The following AGMO variants were observed in gnomAD, a reference collection of about 807,000 sequenced individuals.
AGMO encodes alkylglycerol monooxygenase, also known as glyceryl-ether monooxygenase.
AGMO carries 75 observed loss-of-function variants against 60.2 expected under a neutral mutation model. The observed-to-expected ratio is 1.25, with a 90% CI of 1.03 to 1.51. The LOEUF is 1.51. Ranked by LOEUF, AGMO falls within the 40% of genes most tolerant of loss-of-function variation. AGMO has a pLI of 0.00. For synonymous variants in AGMO, 261 were observed against 177.1 expected, an observed-to-expected ratio of 1.47 and a Z score of -3.76; for missense variants, 763 against 525.5, an observed-to-expected ratio of 1.45 and a Z score of -4.42.
At chr7:15,218,847 T>C (rs1040421249) in intron 12 of AGMO, among the ~76,000 whole-genome samples, 4 of 152,118 alleles carry the variant, frequency 2.6e-5, no homozygotes, top group Non-Finnish European at 5.9e-5. Flanking sequence ...TGACTCTTTT[T>C]CAACATATTT....
intron 10 of AGMO, among the ~76,000 whole-genome samples, chr7:15,385,095 T>C (rs540283193): frequency 1.3e-3 from 197 of 152,314 alleles, no homozygotes; most frequent in African/African-American, 4.4e-3. Context: ...GGTAAGTATG[T>C]TGAAACTGAT....
At chr7:15,353,013 C>T (rs1487905223) in intron 12 of AGMO, among the ~76,000 whole-genome samples, 2 of 151,908 alleles carry the variant, frequency 1.3e-5, no homozygotes, top group African/African-American at 4.8e-5. Context: ...TAGCACTGCG[C>T]ACGGCACACT....
chr7:15,299,886 C>CACACACACA (rs774065679), intron 12 of AGMO, among the ~76,000 whole-genome samples: 10 of 114,634 alleles, frequency 8.7e-5, no homozygotes, highest in African/African-American at 2.6e-4. Context: ...CACACACACA[C>CACACACACA]AGTATGTTTT....
intron 2 of AGMO, among the ~76,000 whole-genome samples, chr7:15,552,983 A>G (rs1785011191): frequency 6.6e-6 from 1 of 152,094 alleles, no homozygotes; most frequent in Non-Finnish European, 1.5e-5. Flanking sequence ...ATGGAATACT[A>G]CACAGCCATA....
chr7:15,463,368 T>C (rs1427450523), intron 3 of AGMO, among the ~76,000 whole-genome samples: 1 of 152,170 alleles, frequency 6.6e-6, no homozygotes, highest in Non-Finnish European at 1.5e-5. Flanking sequence ...GAAGCTGAAC[T>C]GTATTTGTGT....
At chr7:15,299,655 G>A (rs900828156) in intron 12 of AGMO, among the ~76,000 whole-genome samples, 6 of 152,016 alleles carry the variant, frequency 3.9e-5, no homozygotes, top group Admixed American at 2.0e-4. Context: ...GTGAAACCCA[G>A]TCTCTACTAA....
intron 3 of AGMO, among the ~76,000 whole-genome samples, chr7:15,434,772 C>G (rs569495989): frequency 1.3e-5 from 2 of 152,256 alleles, no homozygotes; most frequent in South Asian, 4.1e-4. Flanking sequence ...CCCACAGAAA[C>G]TATGAGATGA....
intron 12 of AGMO, among the ~76,000 whole-genome samples, chr7:15,288,088 G>C (rs1784150671): frequency 6.6e-6 from 1 of 151,688 alleles, no homozygotes; most frequent in Admixed American, 6.6e-5. Context: ...CATTGGCACA[G>C]TCTCGGCTCG....
the AGMO span, among the ~76,000 whole-genome samples, chr7:15,170,147 G>A: frequency 1.4e-4 from 22 of 152,190 alleles, no homozygotes; most frequent in Admixed American, 4.6e-4. Flanking sequence ...TCTGACCAGG[G>A]GTGAGCAAAC....
At chr7:15,213,777 A>G (rs1583296802) in intron 12 of AGMO, among the ~76,000 whole-genome samples, 2 of 152,118 alleles carry the variant, frequency 1.3e-5, no homozygotes, top group East Asian at 3.9e-4. Flanking sequence ...CTAATAACTT[A>G]GTGGATATTG....
intron 12 of AGMO, among the ~76,000 whole-genome samples, chr7:15,256,763 C>T (rs1783111863): frequency 6.6e-6 from 1 of 152,138 alleles, no homozygotes; most frequent in South Asian, 2.1e-4. Context: ...CGCCTGGGAG[C>T]AATAGGCTAA....
intron 12 of AGMO, among the ~76,000 whole-genome samples, chr7:15,363,949 T>C (rs1313489787): frequency 6.6e-6 from 1 of 152,086 alleles, no homozygotes; most frequent in African/African-American, 2.4e-5. Flanking sequence ...TCAGCATGTA[T>C]ATTTCTGAAT....
the AGMO span, among the ~76,000 whole-genome samples, chr7:15,178,074 C>T: frequency 6.6e-6 from 1 of 152,118 alleles, no homozygotes; most frequent in Non-Finnish European, 1.5e-5. Context: ...CTTCCTGGTT[C>T]AATCCTTATT....
At chr7:15,414,540 T>C (rs1437188027) in intron 5 of AGMO, among the ~76,000 whole-genome samples, 1 of 147,616 alleles carries the variant, frequency 6.8e-6, no homozygotes, top group Non-Finnish European at 1.5e-5. Context: ...AGAAAACAAG[T>C]CAGTAGAGGA....
rs1269838552 is a variant in AGMO at position 15,256,523 on chromosome 7, A to G, written c.1264-55164T>C. Among the ~76,000 whole-genome samples the G allele has an allele frequency of 3.3e-5, 5 of 151,854 alleles. No homozygotes were observed. The South Asian group carries it at 1.0e-3, about 32-fold the overall frequency. On this transcript the variant is annotated intron_variant, in intron 12 of 12. Transcript: ENST00000342526. ...ACGCCTGGTGTCGTGTGACGTGTGT[A>G]ATTTTTTGTGTGTGTATTTTTAGTA...
At chr7:15,439,641 C>T (rs1781495118) in intron 3 of AGMO, among the ~76,000 whole-genome samples, 1 of 152,122 alleles carries the variant, frequency 6.6e-6, no homozygotes, top group Non-Finnish European at 1.5e-5. Context: ...GGCCTTACAC[C>T]CTTGTTCTTT....
the AGMO span, among the ~76,000 whole-genome samples, chr7:15,147,887 T>A: frequency 6.6e-6 from 1 of 152,200 alleles, no homozygotes; most frequent in South Asian, 2.1e-4. Context: ...AGATTATACC[T>A]GCACTAGCCT....
At chr7:15,375,703 G>A (rs1033344776) in intron 10 of AGMO, among the ~76,000 whole-genome samples, 1 of 152,154 alleles carries the variant, frequency 6.6e-6, no homozygotes, top group African/African-American at 2.4e-5. Context: ...GCCTCTTCAC[G>A]TGGAATACTT....
At chr7:15,309,996 AT>A (rs1780723212) in intron 12 of AGMO, among the ~76,000 whole-genome samples, 1 of 152,138 alleles carries the variant, frequency 6.6e-6, no homozygotes, top group Admixed American at 6.6e-5. Flanking sequence ...TGATGAAAAA[AT>A]ATATCATATT....
Sources: allele counts gnomAD v4.1 joint callset (sites outside exome capture counted in the v4.1 genomes callset), GRCh38; gene constraint gnomAD v4.1.1; transcripts MANE v1.5; gene names NCBI Gene and HGNC (gene_info 2026-07-23, HGNC 2026-07-21).